Variants in RORA observed in about 807,000 individuals in gnomAD.
The protein encoded by RORA is nuclear receptor ROR-alpha.
RORA carries 7 observed loss-of-function variants against 69.5 expected under a neutral mutation model. That is an observed-to-expected ratio of 0.10 (90% CI 0.06 to 0.19). The LOEUF is 0.19. Ranked by LOEUF, RORA falls within the 10% of genes least tolerant of loss-of-function variation. The pLI, the probability that RORA is intolerant of heterozygous loss-of-function variation, is 1.00. For missense variants in RORA, 457 were observed against 663.0 expected (o/e 0.69, Z 3.41); for synonymous variants, 261 against 240.8 (o/e 1.08, Z -0.78).
At chr15:60,806,011 C>T (rs1189548140) in intron 1 of RORA, among the ~76,000 whole-genome samples, 1 of 152,136 alleles carries the variant, frequency 6.6e-6, no homozygotes, top group Non-Finnish European at 1.5e-5. Flanking sequence ...ATTGGGCAGG[C>T]TTTGGGGCCT....
chr15:60,629,466 G>A (rs575640031), intron 2 of RORA, among the ~76,000 whole-genome samples: 4 of 152,236 alleles, frequency 2.6e-5, no homozygotes, highest in East Asian at 1.9e-4. Flanking sequence ...CAAGTACTGC[G>A]TTTTGTTATT....
chr15:61,020,616 T>C (rs1895477568), intron 1 of RORA, among the ~76,000 whole-genome samples: 1 of 152,164 alleles, frequency 6.6e-6, no homozygotes, highest in South Asian at 2.1e-4. Context: ...GAGAGACTGA[T>C]CAAAGAATAT....
At chr15:61,012,995 T>G (rs1051476832) in intron 1 of RORA, among the ~76,000 whole-genome samples, 3 of 152,198 alleles carry the variant, frequency 2.0e-5, no homozygotes, top group Admixed American at 1.3e-4. Flanking sequence ...TTAATTACAA[T>G]CACAGGCAAA....
intron 1 of RORA, among the ~76,000 whole-genome samples, chr15:61,070,508 G>C (rs2078325793): frequency 6.6e-6 from 1 of 152,360 alleles, no homozygotes; most frequent in South Asian, 2.1e-4. Flanking sequence ...GGATGCAGAA[G>C]TTGTAGGCAT....
At chr15:60,982,917 G>T (rs946171996) in intron 1 of RORA, among the ~76,000 whole-genome samples, 5 of 152,016 alleles carry the variant, frequency 3.3e-5, no homozygotes, top group African/African-American at 1.2e-4. Context: ...ATTACTTGTT[G>T]TTTTGTTTTG....
intron 1 of RORA, among the ~76,000 whole-genome samples, chr15:60,940,873 G>A (rs1247601128): frequency 6.6e-6 from 1 of 152,134 alleles, no homozygotes; most frequent in Non-Finnish European, 1.5e-5. Context: ...CTTGCAGTGA[G>A]CCAAGATCGC....
At chr15:60,723,958 A>G (rs1293660002) in intron 1 of RORA, among the ~76,000 whole-genome samples, 1 of 152,230 alleles carries the variant, frequency 6.6e-6, no homozygotes, top group Non-Finnish European at 1.5e-5. Context: ...ACCTTATCTT[A>G]GAGAAACTAA....
chr15:60,761,017 C>T (rs2071879789), intron 1 of RORA, among the ~76,000 whole-genome samples: 1 of 152,138 alleles, frequency 6.6e-6, no homozygotes, highest in Non-Finnish European at 1.5e-5. Context: ...GGCCCTTCTC[C>T]TTTTGGGCAC....
intron 1 of RORA, among the ~76,000 whole-genome samples, chr15:60,693,455 T>G (rs11071550): frequency 0.22 from 32,927 of 152,036 alleles, 3,632 homozygotes; most frequent in African/African-American, 0.23. Flanking sequence ...GCCAAGGCAG[T>G]CAGGCAAGAG....
chr15:61,001,275 G>C (rs963997230), intron 1 of RORA, among the ~76,000 whole-genome samples: 1 of 152,224 alleles, frequency 6.6e-6, no homozygotes, highest in African/African-American at 2.4e-5. Flanking sequence ...GAGGGCGCAA[G>C]AGTGTGCTAT....
intron 1 of RORA, among the ~76,000 whole-genome samples, chr15:60,687,399 G>A (rs909631172): frequency 2.6e-5 from 4 of 152,124 alleles, no homozygotes; most frequent in African/African-American, 9.7e-5. Context: ...ATTACTATTT[G>A]TAGCCTCTCT....
At chr15:60,618,806 C>A (rs1003335577) in intron 2 of RORA, among the ~76,000 whole-genome samples, 3 of 152,192 alleles carry the variant, frequency 2.0e-5, no homozygotes, top group African/African-American at 7.2e-5. Context: ...TTCTTTGTAA[C>A]TTTTCCTGCC....
chr15:60,826,556 T>C (rs1335108853), intron 1 of RORA, among the ~76,000 whole-genome samples: 1 of 152,182 alleles, frequency 6.6e-6, no homozygotes, highest in Non-Finnish European at 1.5e-5. Flanking sequence ...GCACTTGATT[T>C]AAATGAAGAA....
At chr15:60,758,137 G>A (rs190167557) in intron 1 of RORA, among the ~76,000 whole-genome samples, 125 of 152,246 alleles carry the variant, frequency 8.2e-4, no homozygotes, top group Non-Finnish European at 1.2e-3. Flanking sequence ...AGACCCCTTT[G>A]TCAAACAGCC....
chr15:61,097,175 G>A (rs1041508219), intron 1 of RORA, among the ~76,000 whole-genome samples: 1 of 152,192 alleles, frequency 6.6e-6, no homozygotes, highest in African/African-American at 2.4e-5. Context: ...AGCAGGATTT[G>A]AGCAGGGTCC....
chr15:60,878,424 C>T (rs1181940207), intron 1 of RORA, among the ~76,000 whole-genome samples: 4 of 151,364 alleles, frequency 2.6e-5, no homozygotes, highest in Admixed American at 6.6e-5. Context: ...GCCTCACCCT[C>T]TGGGGACACA....
Position 60,499,983 on chromosome 15 carries a change from T to A in RORA, c.1316A>T (p.Lys439Met), listed in dbSNP as rs1214010761. Residue 439 changes from lysine (K) to methionine (M), a missense_variant, in exon 10 of 11, where the codon AAG (lysine) becomes ATG (methionine). By Grantham distance (95) the Lys-to-Met change is moderately conservative (BLOSUM62 -1). This residue lies in a region of RORA where 304 missense variants were observed against 447.4 expected (regional missense o/e 0.68). Transcript: ENST00000335670. ...CTGTTGCAGTTTTTCAATTTTTACC[T>A]TTTCTTGCAGCCATGAGCGATCTAA... ...MSADRSWLQE[K>M]VKIEKLQQKI... The A allele has an allele frequency of 6.2e-7, 1 of 1,611,556 alleles. No homozygotes were observed. The highest frequency in any genetic ancestry group is 1.1e-5 in the South Asian group (1 of 90,944).
intron 1 of RORA, among the ~76,000 whole-genome samples, chr15:61,191,753 C>T (rs1248129620): frequency 6.6e-6 from 1 of 152,200 alleles, no homozygotes; most frequent in East Asian, 1.9e-4. Flanking sequence ...GAAGCTTCAG[C>T]AAGACCCAAG....
At chr15:60,727,121 T>C (rs1269187632) in intron 1 of RORA, among the ~76,000 whole-genome samples, 1 of 152,158 alleles carries the variant, frequency 6.6e-6, no homozygotes, top group African/African-American at 2.4e-5. Flanking sequence ...AAAAGACAAA[T>C]ATTTCTGCCC....
Sources: allele counts gnomAD v4.1 joint callset (sites outside exome capture counted in the v4.1 genomes callset), GRCh38; gene constraint gnomAD v4.1.1; regional missense constraint gnomAD v4.1.1; transcripts MANE v1.5; gene names NCBI Gene and HGNC (gene_info 2026-07-23, HGNC 2026-07-21).